Variants in ZNF605 observed in about 807,000 individuals in gnomAD.
ZNF605 encodes the protein zinc finger protein 605.
ZNF605 carries 9 observed loss-of-function variants against 7.9 expected under a neutral mutation model. The observed-to-expected ratio is 1.14, with a 90% confidence interval of 0.68 to 1.98. The LOEUF is 1.98. ZNF605 is among the 30% of genes most tolerant of loss of function. The probability of loss-of-function intolerance (pLI) is 0.00; values close to 1 mark genes in which losing one functional copy is unlikely to be tolerated. For missense variants in ZNF605, 673 were observed against 762.4 expected (o/e 0.88, Z 1.38); for synonymous variants, 255 against 260.1 (o/e 0.98, Z 0.19).
chr12:132,934,953 G>T (rs1952348563), intron 3 of ZNF605, among the ~76,000 whole-genome samples: 1 of 152,126 alleles, frequency 6.6e-6, no homozygotes, highest in African/African-American at 2.4e-5. Flanking sequence ...GTTACAGAGG[G>T]GGATGAGGAA....
intron 3 of ZNF605, among the ~76,000 whole-genome samples, chr12:132,944,388 G>T (rs1458291270): frequency 6.6e-6 from 1 of 152,154 alleles, no homozygotes. Flanking sequence ...GAATTCCTCC[G>T]AAAGGTGAGG....
At position 132,952,417 on chromosome 12, in the gene ZNF605, C is replaced by G. The variant is rs764974787; in HGVS notation, c.-286+3826G>C. Among the ~76,000 whole-genome samples the G allele has an allele frequency of 3.2e-3, 459 of 145,554 alleles. 2 individuals carry two copies. The highest frequency in any genetic ancestry group is 0.028 in the Middle Eastern group (8 of 282). On this transcript the variant is annotated intron_variant, in intron 1 of 4. Coordinates refer to ENST00000360187, the MANE Select transcript of ZNF605 (RefSeq NM_183238.4). Reference sequence around the variant, plus strand: ...TGGAGGTTGCAGTGAGCTGAGATCACGCCACTGCACTCAAGCATGGGCGAC... The same window carrying G: ...TGGAGGTTGCAGTGAGCTGAGATCAGGCCACTGCACTCAAGCATGGGCGAC...
Position 132,926,286 on chromosome 12 carries a change from C to T in ZNF605, c.1013G>A (p.Gly338Glu). 6.2e-7 allele frequency: 1 copy of T among 1,614,060 alleles called. No homozygotes were observed. The highest frequency in any genetic ancestry group is 8.5e-7 in the Non-Finnish European group (1 of 1,179,988). Residue 338 changes from glycine to glutamate, a missense_variant, in exon 5 of 5, where the codon GGA becomes GAA. Coordinates refer to ENST00000360187, the MANE Select transcript of ZNF605 (RefSeq NM_183238.4). ...QRTHTGKKPY[G>E]CGECQKAFSR... ...GAAGGCTTTTTGACACTCACCACAT[C>T]CGTAAGGTTTCTTCCCTGTGTGGGT...
intron 1 of ZNF605, among the ~76,000 whole-genome samples, chr12:132,951,720 CAAT>C (rs1593605959): frequency 6.6e-6 from 1 of 151,332 alleles, no homozygotes; most frequent in African/African-American, 2.4e-5. Context: ...CATGCACACA[CAAT>C]GATACATACA....
At chr12:132,931,319 C>A (rs922511828) in intron 4 of ZNF605, among the ~76,000 whole-genome samples, 2 of 152,100 alleles carry the variant, frequency 1.3e-5, no homozygotes, top group African/African-American at 4.8e-5. Flanking sequence ...AAGTGCATAC[C>A]ACAAATTCCA....
Position 132,927,136 on chromosome 12 carries a change from A to G in ZNF605, c.163T>C (p.Trp55Arg), listed in dbSNP as rs1952255255. The change falls in exon 5 of 5, where the codon TGG becomes CGG. Residue 55 changes from tryptophan to arginine, a missense_variant. Coordinates refer to ENST00000360187, the MANE Select transcript of ZNF605 (RefSeq NM_183238.4). ...LEVWLDNPKM[W>R]LRDNQDNLKS... ...AGGTTGTCTTGATTATCTCGGAGCC[A>G]CATTTTGGGATTATCTAGCCAGACT... 2 of 1,569,744 alleles carry G rather than the reference A, an allele frequency of 1.3e-6. No individual in the cohort carries two copies.
intron 4 of ZNF605, among the ~76,000 whole-genome samples, chr12:132,931,055 G>A (rs1177050595): frequency 1.3e-5 from 2 of 152,126 alleles, no homozygotes; most frequent in Non-Finnish European, 2.9e-5. Context: ...TTGGTGTGGT[G>A]GTAGTCTCAG....
chr12:132,934,101 A>G (rs544339046), intron 3 of ZNF605, among the ~76,000 whole-genome samples: 1 of 151,458 alleles, frequency 6.6e-6, no homozygotes, highest in African/African-American at 2.4e-5. Flanking sequence ...TATTAAACAC[A>G]CACACACACA....
rs1243633490 is a variant in ZNF605 at position 132,941,780 on chromosome 12, G to A, written c.15+3841C>T. On this transcript the variant is annotated intron_variant, in intron 3 of 4. Transcript: ENST00000360187. The surrounding 1 kb of genome is among the most constrained non-coding windows in gnomAD (Gnocchi z 5.1). ...GTCCCTCTTCTCCGGGCTGCCCTCCGTCACGCGCCCTTTTCCAGGCTGCCC... is the reference window on the plus strand; with the variant it reads ...GTCCCTCTTCTCCGGGCTGCCCTCCATCACGCGCCCTTTTCCAGGCTGCCC... 1.3e-5 allele frequency among the ~76,000 whole-genome samples: 2 copies of A among 150,320 alleles called. No homozygotes were observed. The highest frequency in any genetic ancestry group is 2.0e-4 in the East Asian group (1 of 5,078).
chr12:132,925,397 T>C lies in ZNF605; in HGVS notation c.1902A>G (p.Ile634Met), dbSNP rs867522016. ...TTFNRKSQLMIHQRNHII is the reference protein window; with the variant it reads ...TTFNRKSQLMMHQRNHII ...TTTATATTATATGATTTCTCTGATG[T>C]ATCATAAGCTGCGACTTCCTGTTGA... is the stretch of plus-strand genomic sequence containing the variant. Residue 634 changes from isoleucine to methionine, a missense_variant, in exon 5 of 5, where the codon ATA (isoleucine) becomes ATG (methionine). Ile to Met is a conservative substitution (Grantham distance 10). Transcript: ENST00000360187. The C allele has an allele frequency of 1.3e-6, 2 of 1,589,784 alleles. No homozygotes were observed. Among genetic ancestry groups the C allele is most frequent in the Non-Finnish European group, 1.7e-6 (2 of 1,167,770 alleles).
rs993300722 is a variant in ZNF605, at chr12:132,940,683, G to A, written c.15+4938C>T. 4.6e-5 allele frequency among the ~76,000 whole-genome samples: 7 copies of A among 152,260 alleles called. 1 individual carries two copies. The South Asian group carries it at 6.2e-4, about 14-fold the overall frequency. On this transcript the variant is annotated intron_variant, in intron 3 of 4. Coordinates refer to ENST00000360187, the MANE Select transcript of ZNF605 (RefSeq NM_183238.4). ...TCCCTGGCCATTGGATCAGGCCGCC[G>A]GCCAGCCTCAGACTGGCAGGTAAAA...
intron 1 of ZNF605, among the ~76,000 whole-genome samples, chr12:132,951,863 TCA>T (rs374406571): frequency 6.1e-4 from 92 of 151,082 alleles, no homozygotes; most frequent in Middle Eastern, 3.4e-3. Flanking sequence ...CACACTATAC[TCA>T]CACTCATACA....
In ZNF605 at chr12:132,919,768, G is replaced by T. The variant is rs1952187037; in HGVS notation, c.*5605C>A. 6.6e-6 allele frequency: 1 copy of T among 152,094 alleles called. No individual in the cohort carries two copies. Among genetic ancestry groups the T allele is most frequent in the African/African-American group, 2.4e-5 (1 of 41,410 alleles). The allele number at this position is 152,094 out of a possible 1,614,324, so 9.4% of individuals were successfully genotyped here. ...ATTTCTTTTCATCTTAACAGTGAAT[G>T]CCTCGATAGCTACATTCTTTTTGCT... is the stretch of plus-strand genomic sequence containing the variant. On this transcript the variant is annotated 3_prime_UTR_variant, in exon 5 of 5. Coordinates refer to ENST00000360187, the MANE Select transcript of ZNF605 (RefSeq NM_183238.4).
chr12:132,930,223 G>A lies in ZNF605; in HGVS notation c.136+2812C>T, dbSNP rs994330295. ...TTTTTAATATCCTTCTTGTAGAGAT[G>A]GGGTCTTGCTATGTTGCCCAGGCGG... On this transcript the variant is annotated intron_variant, in intron 4 of 4. Transcript: ENST00000360187. 2.7e-3 allele frequency among the ~76,000 whole-genome samples: 416 copies of A among 152,236 alleles called. 3 individuals are homozygous for A. Among genetic ancestry groups the A allele is most frequent in the African/African-American group, 9.6e-3 (397 of 41,536 alleles).
Position 132,941,332 on chromosome 12 carries a change from G to A in ZNF605, c.15+4289C>T, listed in dbSNP as rs1952438877. Among the ~76,000 whole-genome samples, 2 of 152,140 alleles carry A rather than the reference G, an allele frequency of 1.3e-5. No homozygotes were observed. Among genetic ancestry groups the A allele is most frequent in the Admixed American group, 1.3e-4 (2 of 15,256 alleles). On this transcript the variant is annotated intron_variant, in intron 3 of 4. Coordinates refer to ENST00000360187, the MANE Select transcript of ZNF605 (RefSeq NM_183238.4). The surrounding 1 kb of genome is among the most constrained non-coding windows in gnomAD (Gnocchi z 5.1). ...CCAGACTCTGGTCAAGGCTAGCAGCGCCCAAAGGTAGATTGCCAGGTCAAT... is the reference window on the plus strand; with the variant it reads ...CCAGACTCTGGTCAAGGCTAGCAGCACCCAAAGGTAGATTGCCAGGTCAAT...
intron 2 of ZNF605, among the ~76,000 whole-genome samples, chr12:132,947,278 G>C (rs1952503911): frequency 6.6e-6 from 1 of 152,034 alleles, no homozygotes; most frequent in African/African-American, 2.4e-5. Context: ...GCCTCCCAAA[G>C]TGCTGGGATT....
Position 132,941,166 on chromosome 12 carries a change from C to G in ZNF605, c.15+4455G>C, listed in dbSNP as rs371686020. 6.3e-3 allele frequency among the ~76,000 whole-genome samples: 952 copies of G among 152,166 alleles called. 10 individuals carry two copies. The highest frequency in any genetic ancestry group is 0.021 in the African/African-American group (885 of 41,516). ...GACTAAGATGTCTTCCACTCCGGAG[C>G]AAGCAGATATGTGACTGACCGCCTC... On this transcript the variant is annotated intron_variant, in intron 3 of 4. Coordinates refer to ENST00000360187, the MANE Select transcript of ZNF605 (RefSeq NM_183238.4). The surrounding 1 kb of genome is among the most constrained non-coding windows in gnomAD (Gnocchi z 5.1).
intron 2 of ZNF605, among the ~76,000 whole-genome samples, chr12:132,947,258 G>A (rs978202821): frequency 2.0e-5 from 3 of 151,956 alleles, no homozygotes; most frequent in East Asian, 1.9e-4. Context: ...CAGGTGATCC[G>A]CCCACCTCAG....
rs1253349947 is a variant in ZNF605 at position 132,936,743 on chromosome 12, CAT to C, written c.16-3590_16-3589del. Reference sequence around the variant, plus strand: ...ACTCAAAATGGATCACAGACCTAAACATAAAAAACTATAAAACTTTTAGAAGA... The same window carrying C: ...ACTCAAAATGGATCACAGACCTAAACAAAAAACTATAAAACTTTTAGAAGA... On this transcript the variant is annotated intron_variant, in intron 3 of 4. Transcript: ENST00000360187. Among the ~76,000 whole-genome samples the C allele has an allele frequency of 1.5e-4, 23 of 151,824 alleles. No individual in the cohort carries two copies. In the East Asian group the frequency reaches 4.7e-3, roughly 31 times the overall value.
Sources: allele counts gnomAD v4.1 joint callset (sites outside exome capture counted in the v4.1 genomes callset), GRCh38; gene constraint gnomAD v4.1.1; non-coding constraint Gnocchi (gnomAD v3.1); transcripts MANE v1.5; gene names NCBI Gene and HGNC (gene_info 2026-07-23, HGNC 2026-07-21).